Variants in GNE observed in about 807,000 individuals in gnomAD.
The protein encoded by GNE is bifunctional UDP-N-acetylglucosamine 2-epimerase/N-acetylmannosamine kinase.
GNE carries 41 observed loss-of-function variants against 61.8 expected under a neutral mutation model. The ratio of observed to expected loss-of-function variants is 0.66; its 90% CI spans 0.52 to 0.86. The LOEUF (loss-of-function observed/expected upper bound fraction) is 0.86. Among genes scored for constraint, GNE ranks in the 40% least tolerant of loss-of-function variants. GNE has a pLI of 0.00. For missense variants in GNE, 608 were observed against 909.1 expected (o/e 0.67, Z 4.26); for synonymous variants, 264 against 326.4 (o/e 0.81, Z 2.06).
At chr9:36,255,576 G>A (rs904407641) in intron 1 of GNE, among the ~76,000 whole-genome samples, 10 of 151,952 alleles carry the variant, frequency 6.6e-5, no homozygotes, top group African/African-American at 1.7e-4. Flanking sequence ...ACTATAGTAC[G>A]AATTGGAAAA....
At chr9:36,259,853 G>A (rs1456316381), upstream of GNE, among the ~76,000 whole-genome samples, 1 of 151,942 alleles carries the variant, frequency 6.6e-6, no homozygotes, top group African/African-American at 2.4e-5. Context: ...TAGAGACGGG[G>A]GTTTCACCAT....
intron 1 of GNE, among the ~76,000 whole-genome samples, chr9:36,264,694 A>G (rs1474174746): frequency 6.6e-6 from 1 of 152,206 alleles, no homozygotes; most frequent in African/African-American, 2.4e-5. Flanking sequence ...AGGTGACCGC[A>G]TCCACCTTTA....
intron 1 of GNE, chr9:36,265,636 G>A (rs1017415719): frequency 1.9e-5 from 6 of 311,274 alleles, no homozygotes; most frequent in African/African-American, 8.6e-5. Context: ...GAGTCTCTAG[G>A]GCAGCGGTCC....
upstream of GNE, among the ~76,000 whole-genome samples, chr9:36,258,998 A>G (rs1224826459): frequency 6.6e-6 from 1 of 152,200 alleles, no homozygotes; most frequent in Non-Finnish European, 1.5e-5. Context: ...GGGAACTCCC[A>G]GCCAGTCCCG....
chr9:36,270,662 C>A (rs1393523989), intron 1 of GNE, among the ~76,000 whole-genome samples: 1 of 152,018 alleles, frequency 6.6e-6, no homozygotes, highest in African/African-American at 2.4e-5. Context: ...GGACTGCAGG[C>A]GCCCGCCACC....
At chr9:36,242,676 C>T (rs543704291) in intron 3 of GNE, among the ~76,000 whole-genome samples, 77 of 150,856 alleles carry the variant, frequency 5.1e-4, no homozygotes, top group South Asian at 1.9e-3. Context: ...CCGTGGCCTC[C>T]CAAAGTGCTG....
At chr9:36,235,168 A>G (rs1829339455) in intron 4 of GNE, among the ~76,000 whole-genome samples, 1 of 152,192 alleles carries the variant, frequency 6.6e-6, no homozygotes, top group Non-Finnish European at 1.5e-5. Context: ...AAAAAGTTTG[A>G]GATTTTGGAG....
chr9:36,259,567 G>A (rs1030871181), upstream of GNE, among the ~76,000 whole-genome samples: 2 of 152,200 alleles, frequency 1.3e-5, no homozygotes, highest in Admixed American at 6.5e-5. Context: ...TAGTTCTCCT[G>A]TGGCTAGCTT....
intron 9 of GNE, among the ~76,000 whole-genome samples, chr9:36,222,122 T>C (rs1020591186): frequency 3.3e-5 from 5 of 151,810 alleles, no homozygotes; most frequent in Admixed American, 3.3e-4. Flanking sequence ...GAAGGATGTT[T>C]ATCAAAAACA....
rs1831145735 is a variant in GNE at position 36,273,999 on chromosome 9, CTGTT to C, written c.51+2891_51+2894del. Among the ~76,000 whole-genome samples the C allele has an allele frequency of 6.1e-5, 9 of 148,352 alleles. No homozygotes were observed. In the South Asian group the frequency reaches 2.0e-3, roughly 33 times the overall value. On this transcript the variant is annotated intron_variant, in intron 1 of 11. Transcript: ENST00000396594. The stretch of plus-strand genomic sequence containing the variant: ...GTCTAAATCTTAGACAACTGAATGA[CTGTT>C]AGACATCACTAAATTTAATGGGGCA...
rs1828412027 is a variant in GNE at position 36,218,088 on chromosome 9, C to T, written c.1933+95G>A. 3 of 838,586 alleles carry T rather than the reference C, an allele frequency of 3.6e-6. No individual in the cohort carries two copies. The highest frequency in any genetic ancestry group is 1.7e-5 in the African/African-American group (1 of 60,480). 51.9% of individuals were successfully genotyped at this position (838,586 alleles called of 1,614,324 possible). A position where few individuals can be genotyped will look rare whatever the true frequency, so the allele number is the denominator to read the frequency against. On this transcript the variant is annotated intron_variant, in intron 11 of 11. Transcript: ENST00000642385. The surrounding 1 kb of genome is among the most constrained non-coding windows in gnomAD (Gnocchi z 4.1). ...TGAACAGACACTGCAAAGCACCTGT[C>T]CCTAGGGAAGCAGGGTCTCTTCTGG...
chr9:36,232,200 A>G (rs1164551740), intron 5 of GNE, among the ~76,000 whole-genome samples: 1 of 152,166 alleles, frequency 6.6e-6, no homozygotes, highest in Non-Finnish European at 1.5e-5. Flanking sequence ...GCATCCAAGC[A>G]TCAGCAAGTA....
In GNE at chr9:36,218,397, G is replaced by A. The variant is rs902001335; in HGVS notation, c.1817-98C>T. On this transcript the variant is annotated intron_variant, in intron 10 of 11. Coordinates refer to ENST00000642385, the MANE Select transcript of GNE (RefSeq NM_005476.7). The surrounding 1 kb of genome is among the most constrained non-coding windows in gnomAD (Gnocchi z 4.1). Reference sequence around the variant, plus strand: ...AAAGCAAGCCCCTACATGGGAAGACGGTGTTTTCTTTTCACAATTGCAAAG... The same window carrying A: ...AAAGCAAGCCCCTACATGGGAAGACAGTGTTTTCTTTTCACAATTGCAAAG... 3.6e-5 allele frequency: 30 copies of A among 838,806 alleles called. No homozygotes were observed. The highest frequency in any genetic ancestry group is 2.8e-4 in the African/African-American group (17 of 60,422). 52.0% of individuals were successfully genotyped at this position (838,806 alleles called of 1,614,324 possible). A position where few individuals can be genotyped will look rare whatever the true frequency, so the allele number is the denominator to read the frequency against.
intron 3 of GNE, among the ~76,000 whole-genome samples, chr9:36,242,774 T>TG (rs1829698797): frequency 7.2e-6 from 1 of 139,070 alleles, no homozygotes. Context: ...GTCTCGCTTC[T>TG]TCACCCAGGC....
chr9:36,228,201 A>T, intron 6 of GNE, among the ~76,000 whole-genome samples: 1 of 152,016 alleles, frequency 6.6e-6, no homozygotes. Context: ...AACTAAAAAA[A>T]TTTTATATAA....
At chr9:36,276,499 G>C (rs1187783096) in intron 1 of GNE, among the ~76,000 whole-genome samples, 1 of 152,138 alleles carries the variant, frequency 6.6e-6, no homozygotes, top group Admixed American at 6.6e-5. Flanking sequence ...AAATCAGGCA[G>C]CTCTACATGC....
chr9:36,238,070 A>G (rs1829471081), intron 3 of GNE, among the ~76,000 whole-genome samples: 1 of 148,534 alleles, frequency 6.7e-6, no homozygotes, highest in Non-Finnish European at 1.5e-5. Context: ...ATATATATAG[A>G]TACACACACA....
chr9:36,227,374 C>A lies in GNE; in HGVS notation c.1155G>T (p.Lys385Asn). The change falls in exon 7 of 12, where the codon AAG becomes AAT. Residue 385 changes from lysine (K) to asparagine (N), a missense_variant. Transcript: ENST00000642385. ...CCTTCACAGGAGGAAAGCAGAATTTCTTTTGCAGTGGCTCTTGAAGATCGA... is the reference window on the plus strand; with the variant it reads ...CCTTCACAGGAGGAAAGCAGAATTTATTTTGCAGTGGCTCTTGAAGATCGA... The part of the protein sequence containing the change: ...KSIDLQEPLQ[K>N]KFCFPPVKEN... The A allele has an allele frequency of 6.2e-7, 1 of 1,612,170 alleles. No individual in the cohort carries two copies. Among genetic ancestry groups the A allele is most frequent in the Non-Finnish European group, 8.5e-7 (1 of 1,178,174 alleles).
chr9:36,219,823 G>C lies in GNE; in HGVS notation c.1816+15C>G. On this transcript the variant is annotated intron_variant, in intron 10 of 11. Transcript: ENST00000642385. ...ACTATTTGGTTACTTAATTCCTCGA[G>C]AGAGGGACACCAACCATCATGGAGC... is the stretch of plus-strand genomic sequence containing the variant. 1 of 1,611,688 alleles carries C rather than the reference G, an allele frequency of 6.2e-7. No homozygotes were observed. The highest frequency in any genetic ancestry group is 8.5e-7 in the Non-Finnish European group (1 of 1,177,760).
Sources: gnomAD v4.1 joint callset for allele counts (sites outside exome capture counted in the v4.1 genomes callset) on GRCh38, gnomAD v4.1.1 for gene constraint, Gnocchi (gnomAD v3.1) non-coding constraint, MANE v1.5 for transcripts, NCBI Gene and HGNC (gene_info 2026-07-23, HGNC 2026-07-21) for gene names.